PPP2R3B: variants seen among roughly 807,000 people sequenced by gnomAD.
PPP2R3B encodes the protein protein phosphatase 2 regulatory subunit B''beta, also known as serine/threonine-protein phosphatase 2A regulatory subunit B'' subunit beta.
In PPP2R3B, 68 loss-of-function variants were observed where a neutral mutation model predicts 72.9. The observed-to-expected ratio is 0.93, with a 90% confidence interval of 0.77 to 1.14. The LOEUF (loss-of-function observed/expected upper bound fraction) is 1.14. PPP2R3B is among the 50% of genes most tolerant of loss of function. The probability of loss-of-function intolerance (pLI) is 0.00; values close to 1 mark genes in which losing one functional copy is unlikely to be tolerated. For synonymous variants in PPP2R3B, 466 were observed against 375.8 expected, an observed-to-expected ratio of 1.24 and a Z score of -2.78; for missense variants, 1,018 against 842.0, an observed-to-expected ratio of 1.21 and a Z score of -2.59.
chrX:347,487 C>A, intron 3 of PPP2R3B, 103 bp downstream of exon 3: 1 of 1,389,316 alleles, frequency 7.2e-7, no homozygotes, highest in Non-Finnish European at 1.0e-6. Flanking sequence ...AAGGGTTTCT[C>A]CTCTCACTGC....
intron 2 of PPP2R3B, among the ~76,000 whole-genome samples, chrX:351,015 G>A (rs968671317): frequency 3.7e-4 from 56 of 152,198 alleles, no homozygotes; most frequent in African/African-American, 1.3e-3. Flanking sequence ...TGACCACGGG[G>A]GGGCGTGGGG....
chrX:364,704 T>C (rs1046527355), intron 1 of PPP2R3B, among the ~76,000 whole-genome samples: 7 of 52,740 alleles, frequency 1.3e-4, no homozygotes, highest in Non-Finnish European at 2.2e-4. Flanking sequence ...GGCGACAGAG[T>C]GAGACTCTGT....
rs1349404288 is a variant in PPP2R3B at position 351,771 on chromosome X, C to T, written c.511-4078G>A. Reference sequence around the variant, plus strand: ...TGGAGTGCAGTGTGTGATCACAGCTCAGTGCAGTCTCAACTTCACGGGCTC... The same window carrying T: ...TGGAGTGCAGTGTGTGATCACAGCTTAGTGCAGTCTCAACTTCACGGGCTC... On this transcript the variant is annotated intron_variant, in intron 2 of 12. Transcript: ENST00000390665. 2.6e-5 allele frequency among the ~76,000 whole-genome samples: 4 copies of T among 152,312 alleles called. No homozygotes were observed. In the East Asian group the frequency reaches 7.7e-4, roughly 29 times the overall value.
chrX:372,255 A>C (rs988215667), intron 1 of PPP2R3B, among the ~76,000 whole-genome samples: 4 of 152,264 alleles, frequency 2.6e-5, no homozygotes, highest in Non-Finnish European at 5.9e-5. Context: ...AAAACCTGGA[A>C]GACAGAGGTC....
At chrX:386,340 G>C (rs769733787) in intron 1 of PPP2R3B, 28 bp downstream of exon 1, 1 of 1,305,866 alleles carries the variant, frequency 7.7e-7, no homozygotes, top group East Asian at 2.8e-5. Context: ...CACCTGCGCA[G>C]TTGTTAGCAG....
intron 1 of PPP2R3B, among the ~76,000 whole-genome samples, chrX:369,570 C>T (rs1157700163): frequency 5.3e-5 from 8 of 152,238 alleles, no homozygotes; most frequent in Admixed American, 1.3e-4. Flanking sequence ...CGTAGAAGTG[C>T]GTGCGCTTGA....
chrX:364,581 G>A (rs957728440), intron 1 of PPP2R3B, among the ~76,000 whole-genome samples: 1 of 149,626 alleles, frequency 6.7e-6, no homozygotes, highest in African/African-American at 2.5e-5. Context: ...AGCCGGGTGT[G>A]GTGGAGGGTG....
chrX:345,776 T>C, intron 6 of PPP2R3B, 104 bp from the exon 7 acceptor site: 8 of 395,492 alleles, frequency 2.0e-5, no homozygotes, highest in Non-Finnish European at 3.9e-5. Context: ...TCGGGGCCGC[T>C]CCGTGGGTGG....
intron 1 of PPP2R3B, among the ~76,000 whole-genome samples, chrX:369,277 T>C: frequency 6.6e-6 from 1 of 152,348 alleles, no homozygotes; most frequent in South Asian, 2.1e-4. Context: ...GAGGGGCCTG[T>C]GGCGGCCAGG....
In PPP2R3B at chrX:347,222, G is replaced by A. The variant is rs746443598; in HGVS notation, c.717+12C>T. ...GAAGGATAAGGCCTGTGGTGTAGACGCAGGCTCTCACCTGCAAGAAGGGGA... is the reference window on the plus strand; with the variant it reads ...GAAGGATAAGGCCTGTGGTGTAGACACAGGCTCTCACCTGCAAGAAGGGGA... On this transcript the variant is annotated intron_variant, in intron 4 of 12. Coordinates refer to ENST00000390665, the MANE Select transcript of PPP2R3B (RefSeq NM_013239.5). The A allele has an allele frequency of 5.0e-6, 8 of 1,609,948 alleles. No individual in the cohort carries two copies. The highest frequency in any genetic ancestry group is 3.3e-5 in the Admixed American group (2 of 59,974).
At chrX:354,187 C>CACCGGGGGCTCACCCAGGG (rs1344936884) in intron 2 of PPP2R3B, among the ~76,000 whole-genome samples, 138 of 123,916 alleles carry the variant, frequency 1.1e-3, no homozygotes, top group African/African-American at 3.7e-3. Context: ...CTCACCCAAA[C>CACCGGGGGCTCACCCAGGG]ACCGGGGGCT....
chrX:348,303 T>C (rs4933049), intron 2 of PPP2R3B, among the ~76,000 whole-genome samples: 120,747 of 151,982 alleles, frequency 0.79, 48,189 homozygotes, highest in Middle Eastern at 0.85. Flanking sequence ...TGGCTGGGCG[T>C]GGTGGCTCAT....
chrX:347,359 C>A, intron 3 of PPP2R3B, 23 bp from the exon 4 acceptor site: 1 of 1,608,438 alleles, frequency 6.2e-7, no homozygotes, highest in Non-Finnish European at 8.5e-7. Flanking sequence ...GATGACTGGG[C>A]ACCACCCTCA....
rs756604762 is a variant in PPP2R3B at position 339,224 on chromosome X, G to A, written c.1352-328C>T. The stretch of plus-strand genomic sequence containing the variant: ...AACGGAGCTCCCCGTGCAGGCAGAG[G>A]CCAGAGGGTGTCCCGGGGACACTGA... On this transcript the variant is annotated intron_variant, in intron 10 of 12. Coordinates refer to ENST00000390665, the MANE Select transcript of PPP2R3B (RefSeq NM_013239.5). 6.7e-5 allele frequency among the ~76,000 whole-genome samples: 10 copies of A among 148,198 alleles called. 1 individual carries two copies. The highest frequency in any genetic ancestry group is 2.2e-4 in the African/African-American group (9 of 40,130).
chrX:354,357 G>A (rs1235717275), intron 2 of PPP2R3B, among the ~76,000 whole-genome samples: 3 of 150,676 alleles, frequency 2.0e-5, no homozygotes, highest in African/African-American at 7.3e-5. Context: ...CTACCCCTGC[G>A]TGGCCGGGCA....
At chrX:385,936 C>A (rs2072237837) in intron 1 of PPP2R3B, among the ~76,000 whole-genome samples, 2 of 152,068 alleles carry the variant, frequency 1.3e-5, no homozygotes, top group African/African-American at 4.8e-5. Flanking sequence ...ACAACATCAG[C>A]CAGGCGTGGT....
chrX:334,844 G>C, intron 12 of PPP2R3B: 1 of 305,220 alleles, frequency 3.3e-6, no homozygotes, highest in Non-Finnish European at 6.0e-6. Flanking sequence ...CAACTGGGTC[G>C]TGGTGTCCAC....
intron 1 of PPP2R3B, among the ~76,000 whole-genome samples, chrX:364,526 A>G (rs1181169028): frequency 6.6e-6 from 1 of 151,154 alleles, no homozygotes; most frequent in Admixed American, 6.6e-5. Flanking sequence ...AAAAACAAAA[A>G]AAAAAAAACA....
At chrX:352,015 G>A (rs7883715) in intron 2 of PPP2R3B, among the ~76,000 whole-genome samples, 10,982 of 152,140 alleles carry the variant, frequency 0.072, 999 homozygotes, top group African/African-American at 0.2. Flanking sequence ...CCGGCGTCTG[G>A]GGGATGAGAA....
Sources: allele counts gnomAD v4.1 joint callset (sites outside exome capture counted in the v4.1 genomes callset), GRCh38; gene constraint gnomAD v4.1.1; transcripts MANE v1.5; gene names NCBI Gene and HGNC (gene_info 2026-07-23, HGNC 2026-07-21).